The following PRICKLE1 variants were observed in gnomAD, a reference collection of about 807,000 sequenced individuals.
PRICKLE1 encodes prickle-like protein 1.
In PRICKLE1, 14 loss-of-function variants were observed where a neutral mutation model predicts 70.2. The ratio of observed to expected loss-of-function variants is 0.20; its 90% confidence interval spans 0.13 to 0.31. PRICKLE1 has a LOEUF of 0.31. Among genes scored for constraint, PRICKLE1 ranks in the 10% least tolerant of loss-of-function variants. PRICKLE1 has a pLI of 1.00. For synonymous variants in PRICKLE1, 357 were observed against 379.9 expected, an observed-to-expected ratio of 0.94 and a Z score of 0.70; for missense variants, 821 against 1,026.2, an observed-to-expected ratio of 0.80 and a Z score of 2.73.
intron 1 of PRICKLE1, among the ~76,000 whole-genome samples, chr12:42,501,452 G>A (rs1386974562): frequency 1.4e-5 from 2 of 141,044 alleles, no homozygotes; most frequent in African/African-American, 5.2e-5. Flanking sequence ...GGAGGTTGTA[G>A]TGAGCCAAGA....
At chr12:42,478,260 G>A (rs1280267474) in intron 1 of PRICKLE1, among the ~76,000 whole-genome samples, 1 of 152,128 alleles carries the variant, frequency 6.6e-6, no homozygotes, top group Non-Finnish European at 1.5e-5. Flanking sequence ...TTAAAATGCT[G>A]TAGCAAACTT....
intron 1 of PRICKLE1, among the ~76,000 whole-genome samples, chr12:42,526,912 G>A (rs377014383): frequency 6.6e-6 from 1 of 152,084 alleles, no homozygotes; most frequent in Non-Finnish European, 1.5e-5. Context: ...AGAATTACCA[G>A]ATGGAATCAA....
intron 1 of PRICKLE1, among the ~76,000 whole-genome samples, chr12:42,499,891 C>T (rs1356848459): frequency 6.6e-6 from 1 of 151,658 alleles, no homozygotes; most frequent in African/African-American, 2.4e-5. Context: ...CCATGCCTGG[C>T]TAATTTTTGT....
At chr12:42,582,088 T>A (rs1940911147) in intron 1 of PRICKLE1, among the ~76,000 whole-genome samples, 1 of 152,218 alleles carries the variant, frequency 6.6e-6, no homozygotes, top group East Asian at 1.9e-4. Context: ...CTTTTAACAC[T>A]TTTGGCAGTA....
rs1939411176 is a variant in PRICKLE1, at chr12:42,506,248, TTTCTTTCTTTC to T, written c.-48-33695_-48-33685del. ...ATTATATAAGTAAAAAATGTTCTTTTTTCTTTCTTTCTTTTTTTTTTTTTTTGAGATGGAGT... is the reference window on the plus strand; with the variant it reads ...ATTATATAAGTAAAAAATGTTCTTTTTTTTTTTTTTTTTTTGAGATGGAGT... On this transcript the variant is annotated intron_variant, in intron 1 of 7. Coordinates refer to ENST00000345127, the MANE Select transcript of PRICKLE1 (RefSeq NM_153026.3). Among the ~76,000 whole-genome samples the T allele has an allele frequency of 6.1e-5, 3 of 48,934 alleles. 1 individual carries two copies. The highest frequency in any genetic ancestry group is 2.3e-4 in the African/African-American group (2 of 8,746). The allele number at this position is 48,934 out of a possible 152,430, so 32.1% of individuals were successfully genotyped here.
At chr12:42,498,140 G>A (rs1291417681) in intron 1 of PRICKLE1, among the ~76,000 whole-genome samples, 1 of 149,182 alleles carries the variant, frequency 6.7e-6, no homozygotes, top group Non-Finnish European at 1.5e-5. Flanking sequence ...GAGCCTCCAT[G>A]CCTAGTCTCA....
intron 1 of PRICKLE1, among the ~76,000 whole-genome samples, chr12:42,557,002 T>A (rs1200954458): frequency 1.3e-5 from 2 of 152,052 alleles, no homozygotes; most frequent in Non-Finnish European, 2.9e-5. Flanking sequence ...TTTTTTTTTT[T>A]TTAAAGAGGC....
intron 1 of PRICKLE1, among the ~76,000 whole-genome samples, chr12:42,493,229 G>C (rs891129106): frequency 6.6e-6 from 1 of 152,028 alleles, no homozygotes; most frequent in Non-Finnish European, 1.5e-5. Flanking sequence ...AGTATAACTG[G>C]ATTGTAACAC....
intron 1 of PRICKLE1, among the ~76,000 whole-genome samples, chr12:42,578,164 G>C (rs2120782587): frequency 6.6e-6 from 1 of 152,248 alleles, no homozygotes; most frequent in African/African-American, 2.4e-5. Context: ...TTCTTAATAG[G>C]AAAACAGACT....
rs116197349 is a variant in PRICKLE1, at chr12:42,464,573, G to A, written c.1461C>T (p.Ser487=). Residue 487 remains serine (S), a synonymous_variant, in exon 7 of 8, where the codon AGC becomes AGT. Transcript: ENST00000345127. This position sits in a 1 kb window ranked among gnomAD's most constrained non-coding sequence, Gnocchi z 4.2. ...QDGLGDSAYG[S]HPGPASSRRL... is the part of the protein sequence containing the mutation. ...TTCTACTGCTTGCAGGGCCTGGGTGGCTGCCATAAGCAGAATCGCCCAGTC... is the reference window on the plus strand; with the variant it reads ...TTCTACTGCTTGCAGGGCCTGGGTGACTGCCATAAGCAGAATCGCCCAGTC... 2.4e-4 allele frequency: 392 copies of A among 1,613,854 alleles called. No homozygotes were observed. In the African/African-American group the frequency reaches 4.1e-3, roughly 17 times the overall value.
chr12:42,474,520 AC>A (rs1938449516), intron 1 of PRICKLE1, among the ~76,000 whole-genome samples: 1 of 152,232 alleles, frequency 6.6e-6, no homozygotes, highest in Non-Finnish European at 1.5e-5. Context: ...GGAGGTTATG[AC>A]CTTTTAAACA....
chr12:42,567,751 C>G (rs10880316), intron 1 of PRICKLE1, among the ~76,000 whole-genome samples: 5 of 143,852 alleles, frequency 3.5e-5, no homozygotes, highest in Non-Finnish European at 6.0e-5. Context: ...AGCTTGAACC[C>G]GGGAGGCAGA....
At chr12:42,555,836 G>A (rs1707469008) in intron 1 of PRICKLE1, among the ~76,000 whole-genome samples, 1 of 152,138 alleles carries the variant, frequency 6.6e-6, no homozygotes, top group Admixed American at 6.5e-5. Context: ...CCACTTGGTT[G>A]TTCAGCATTA....
intron 1 of PRICKLE1, among the ~76,000 whole-genome samples, chr12:42,525,438 G>A (rs1939784591): frequency 6.6e-6 from 1 of 152,222 alleles, no homozygotes; most frequent in Non-Finnish European, 1.5e-5. Context: ...AGAAGCACAG[G>A]TAAAACAACT....
At chr12:42,546,879 G>A (rs1360268785) in intron 1 of PRICKLE1, among the ~76,000 whole-genome samples, 2 of 152,146 alleles carry the variant, frequency 1.3e-5, no homozygotes, top group African/African-American at 2.4e-5. Flanking sequence ...ACCTTTATAT[G>A]TGTTTTCTTG....
intron 1 of PRICKLE1, among the ~76,000 whole-genome samples, chr12:42,579,547 C>A (rs979405667): frequency 6.6e-6 from 1 of 152,052 alleles, no homozygotes; most frequent in African/African-American, 2.4e-5. Context: ...GAGAGTTTTC[C>A]AGTTATATGT....
At chr12:42,530,860 C>A (rs1254835053) in intron 1 of PRICKLE1, among the ~76,000 whole-genome samples, 4 of 148,084 alleles carry the variant, frequency 2.7e-5, no homozygotes, top group Non-Finnish European at 6.0e-5. Flanking sequence ...ATGGTGAAAC[C>A]CTGTTTCACC....
At chr12:42,575,121 T>A (rs1162045036) in intron 1 of PRICKLE1, among the ~76,000 whole-genome samples, 3 of 152,004 alleles carry the variant, frequency 2.0e-5, no homozygotes, top group East Asian at 3.9e-4. Context: ...GAGGCTGAAA[T>A]TCAAACCTGG....
chr12:42,490,415 T>C (rs554393836), intron 1 of PRICKLE1, among the ~76,000 whole-genome samples: 18 of 152,292 alleles, frequency 1.2e-4, no homozygotes, highest in Admixed American at 1.2e-3. Flanking sequence ...AGGCTGTGAA[T>C]AGCTGCATAA....
Sources: allele counts gnomAD v4.1 joint callset (sites outside exome capture counted in the v4.1 genomes callset), GRCh38; gene constraint gnomAD v4.1.1; non-coding constraint Gnocchi (gnomAD v3.1); transcripts MANE v1.5; gene names NCBI Gene and HGNC (gene_info 2026-07-23, HGNC 2026-07-21).